Variants in AKAP13 observed in about 807,000 individuals in gnomAD.
AKAP13 encodes A-kinase anchor protein 13.
In AKAP13, 80 loss-of-function variants were observed where a neutral mutation model predicts 264.5. That is an observed-to-expected ratio of 0.30 (90% CI 0.25 to 0.36). The LOEUF (loss-of-function observed/expected upper bound fraction) is 0.36, where lower values mean the gene tolerates loss of function less well. Ranked by LOEUF, AKAP13 falls within the 10% of genes least tolerant of loss-of-function variation. The probability of loss-of-function intolerance (pLI) is 1.00; values close to 1 mark genes in which losing one functional copy is unlikely to be tolerated. For missense variants in AKAP13, 3,712 were observed against 3,435.2 expected (o/e 1.08, Z -2.01); for synonymous variants, 1,380 against 1,250.2 (o/e 1.10, Z -2.19).
chr15:85,518,612 T>C (rs2076694233), intron 2 of AKAP13, among the ~76,000 whole-genome samples: 1 of 152,180 alleles, frequency 6.6e-6, no homozygotes, highest in African/African-American at 2.4e-5. Context: ...GCTGGAGGAT[T>C]GCTTGAGTTC....
chr15:85,548,363 A>G (rs1270886374), intron 5 of AKAP13, among the ~76,000 whole-genome samples: 1 of 152,330 alleles, frequency 6.6e-6, no homozygotes, highest in Middle Eastern at 3.4e-3. Context: ...TTTGTCATAC[A>G]GATTCTGGTT....
At position 85,469,599 on chromosome 15, in the gene AKAP13, T is replaced by C. The variant is rs74829677; in HGVS notation, c.-11-16111T>C. On this transcript the variant is annotated intron_variant, in intron 1 of 36. Transcript: ENST00000394518. ...ATACAGATTTATTATTTGACCTGTT[T>C]TCCTCCAGTGCAAGGATACTGTGAC... Among the ~76,000 whole-genome samples the C allele has an allele frequency of 5.1e-4, 77 of 152,356 alleles. No homozygotes were observed. The Middle Eastern group carries it at 0.017, about 34-fold the overall frequency.
chr15:85,500,896 T>A (rs1036609734), intron 2 of AKAP13, among the ~76,000 whole-genome samples: 1 of 152,198 alleles, frequency 6.6e-6, no homozygotes, highest in African/African-American at 2.4e-5. Flanking sequence ...ATACAGAGCA[T>A]CTGGCGGCTG....
At chr15:85,494,589 T>C (rs2075820500) in intron 2 of AKAP13, among the ~76,000 whole-genome samples, 1 of 152,126 alleles carries the variant, frequency 6.6e-6, no homozygotes, top group African/African-American at 2.4e-5. Context: ...TCAGGACTGG[T>C]GACGAATTTG....
intron 29 of AKAP13, among the ~76,000 whole-genome samples, chr15:85,728,241 A>G (rs1040087768): frequency 6.6e-5 from 10 of 152,228 alleles, no homozygotes; most frequent in African/African-American, 2.4e-4. Flanking sequence ...AGTAAAGACT[A>G]TGCTTTGGAT....
Position 85,736,072 on chromosome 15 carries a change from A to G in AKAP13, c.7513-18A>G. On this transcript the variant is annotated intron_variant, in intron 32 of 36. Transcript: ENST00000394518. ...TCAAGATCTTCATTTTTTTATATGT[A>G]TGTTTTTTGTTTTATAGGGTGGAAA... The G allele has an allele frequency of 1.3e-6, 2 of 1,571,236 alleles. No individual in the cohort carries two copies. Among genetic ancestry groups the G allele is most frequent in the Non-Finnish European group, 1.8e-6 (2 of 1,142,122 alleles).
chr15:85,442,169 TG>T (rs2073682179), intron 1 of AKAP13, among the ~76,000 whole-genome samples: 2 of 151,656 alleles, frequency 1.3e-5, no homozygotes, highest in Non-Finnish European at 2.9e-5. Context: ...CCCAGCGCTT[TG>T]GGAGGCTGAG....
intron 14 of AKAP13, chr15:85,677,036 A>C (rs979205049): frequency 1.0e-6 from 1 of 985,430 alleles, no homozygotes; most frequent in African/African-American, 1.7e-5. Context: ...CTCCTCCTTA[A>C]GTCTAAAACT....
chr15:85,681,582 C>T (rs1046446684), intron 14 of AKAP13, among the ~76,000 whole-genome samples: 17 of 151,934 alleles, frequency 1.1e-4, no homozygotes, highest in Admixed American at 7.9e-4. Context: ...TTTTATCTCC[C>T]TCATTTCACA....
chr15:85,554,112 T>C (rs1231776399), intron 5 of AKAP13, among the ~76,000 whole-genome samples: 1 of 152,202 alleles, frequency 6.6e-6, no homozygotes, highest in Non-Finnish European at 1.5e-5. Flanking sequence ...CTGATAGTGA[T>C]GGTAGCCCTG....
intron 17 of AKAP13, among the ~76,000 whole-genome samples, chr15:85,693,727 C>G (rs2085416687): frequency 6.6e-6 from 1 of 152,176 alleles, no homozygotes; most frequent in Non-Finnish European, 1.5e-5. Context: ...AATACACGTT[C>G]AGTAGAAACT....
intron 27 of AKAP13, among the ~76,000 whole-genome samples, chr15:85,726,771 A>G (rs2087641113): frequency 6.6e-6 from 1 of 152,228 alleles, no homozygotes; most frequent in African/African-American, 2.4e-5. Context: ...GAGCCCATAA[A>G]TGGTGCTCAT....
chr15:85,518,450 A>G (rs2076688036), intron 2 of AKAP13, among the ~76,000 whole-genome samples: 1 of 152,236 alleles, frequency 6.6e-6, no homozygotes, highest in African/African-American at 2.4e-5. Context: ...TTTGAAATGA[A>G]TGGAGCTTCT....
intron 5 of AKAP13, among the ~76,000 whole-genome samples, chr15:85,572,254 T>G (rs1379521821): frequency 2.6e-5 from 4 of 152,152 alleles, no homozygotes. Context: ...TCAGAGATCT[T>G]TTTTGTTGGA....
intron 9 of AKAP13, among the ~76,000 whole-genome samples, chr15:85,644,756 C>CTCA (rs933852660): frequency 4.0e-5 from 6 of 150,094 alleles, no homozygotes; most frequent in Non-Finnish European, 8.9e-5. Context: ...GTCCCAGCTA[C>CTCA]TCAAGAGGCT....
At chr15:85,528,379 G>A (rs1234974659) in intron 3 of AKAP13, among the ~76,000 whole-genome samples, 3 of 152,066 alleles carry the variant, frequency 2.0e-5, no homozygotes. Context: ...AGCTTTGTTG[G>A]GCCATGCTGG....
chr15:85,556,230 C>G (rs1216266413), intron 5 of AKAP13, among the ~76,000 whole-genome samples: 3 of 152,132 alleles, frequency 2.0e-5, no homozygotes, highest in African/African-American at 7.2e-5. Context: ...AATAATAAAC[C>G]AACAACATAG....
intron 1 of AKAP13, among the ~76,000 whole-genome samples, chr15:85,460,584 A>G (rs1251096627): frequency 2.0e-5 from 3 of 152,238 alleles, no homozygotes; most frequent in African/African-American, 7.2e-5. Flanking sequence ...ATATGGCACA[A>G]GGTTCTCTCT....
At chr15:85,388,653 C>A (rs887528922) in intron 1 of AKAP13, among the ~76,000 whole-genome samples, 2 of 152,102 alleles carry the variant, frequency 1.3e-5, no homozygotes, top group African/African-American at 2.4e-5. Context: ...TGGTGTAATA[C>A]GTTGAAATAG....
Sources: gnomAD v4.1 joint callset for allele counts (sites outside exome capture counted in the v4.1 genomes callset) on GRCh38, gnomAD v4.1.1 for gene constraint, MANE v1.5 for transcripts, NCBI Gene and HGNC (gene_info 2026-07-23, HGNC 2026-07-21) for gene names.